The following ITSN1 variants were observed in gnomAD, a reference collection of about 807,000 sequenced individuals.
The protein encoded by ITSN1 is intersectin 1, also known as intersectin-1.
Under a neutral mutation model 239.8 loss-of-function variants are expected in ITSN1, and 58 were observed. The observed-to-expected ratio is 0.24, with a 90% confidence interval of 0.20 to 0.30. ITSN1 has a LOEUF of 0.30. Ranked by LOEUF, ITSN1 falls within the 10% of genes least tolerant of loss-of-function variation. The pLI is 1.00. For synonymous variants in ITSN1, 780 were observed against 770.8 expected (o/e 1.01, Z -0.20); for missense variants, 1,558 against 2,103.3 (o/e 0.74, Z 5.07).
At chr21:33,719,257 A>G (rs1432744706) in intron 2 of ITSN1, among the ~76,000 whole-genome samples, 1 of 152,176 alleles carries the variant, frequency 6.6e-6, no homozygotes, top group African/African-American at 2.4e-5. Flanking sequence ...CCTGGCCAAC[A>G]TAGTGAAACC....
At chr21:33,755,139 A>C (rs545702600) in intron 7 of ITSN1, among the ~76,000 whole-genome samples, 158 bp from the exon 8 acceptor site, 1 of 152,252 alleles carries the variant, frequency 6.6e-6, no homozygotes, top group South Asian at 2.1e-4. Context: ...GGAAATACCC[A>C]TGGCAAAAAA....
chr21:33,836,357 C>A, intron 28 of ITSN1, 84 bp from the exon 29 acceptor site: 1 of 970,434 alleles, frequency 1.0e-6, no homozygotes, highest in Non-Finnish European at 1.5e-6. Context: ...GAAATAGTAG[C>A]TGGGAATGTT....
At chr21:33,885,608 A>C in intron 38 of ITSN1, 86 bp downstream of exon 38, 1 of 985,348 alleles carries the variant, frequency 1.0e-6, no homozygotes. Flanking sequence ...CTCTAGATCA[A>C]ATGTGCTATT....
chr21:33,836,125 T>C (rs558017612), intron 28 of ITSN1, among the ~76,000 whole-genome samples: 1 of 152,294 alleles, frequency 6.6e-6, no homozygotes, highest in South Asian at 2.1e-4. Flanking sequence ...GAGTCAGCAG[T>C]AGGAAGGAGT....
chr21:33,734,926 T>A, intron 4 of ITSN1, 118 bp from the exon 5 acceptor site: 1 of 744,454 alleles, frequency 1.3e-6, no homozygotes, highest in Non-Finnish European at 2.1e-6. Flanking sequence ...ATGTTTTCTG[T>A]TGTTGTCTCT....
intron 29 of ITSN1, chr21:33,837,599 G>A: frequency 1.0e-6 from 1 of 985,914 alleles, no homozygotes; most frequent in Non-Finnish European, 1.2e-6. Flanking sequence ...CCCAATTAAA[G>A]CGAAGGTGTT....
intron 39 of ITSN1, among the ~76,000 whole-genome samples, chr21:33,887,251 C>T (rs370604484): frequency 3.0e-4 from 45 of 150,636 alleles, no homozygotes; most frequent in East Asian, 2.5e-3. Context: ...CCTGGGAGGT[C>T]GAGGCTGCAG....
At position 33,784,756 on chromosome 21, in the gene ITSN1, T is replaced by C. The variant is rs1306295529; in HGVS notation, c.1824+2623T>C. Among the ~76,000 whole-genome samples the C allele has an allele frequency of 3.3e-5, 5 of 152,228 alleles. No individual in the cohort carries two copies. In the East Asian group the frequency reaches 9.6e-4, roughly 29 times the overall value. On this transcript the variant is annotated intron_variant, in intron 16 of 39. Coordinates refer to ENST00000381318, the MANE Select transcript of ITSN1 (RefSeq NM_003024.3). ...TAAGTGTCACTTGCCCACTTTTCTT[T>C]GTTGTAGCCACACTGGAAAATGAAA...
chr21:33,873,967 C>T (rs889162536), intron 33 of ITSN1, among the ~76,000 whole-genome samples: 6 of 151,698 alleles, frequency 4.0e-5, no homozygotes, highest in African/African-American at 1.5e-4. Flanking sequence ...TCAAGACCAG[C>T]CTGGCCAGCA....
intron 20 of ITSN1, 91 bp downstream of exon 20, chr21:33,802,535 C>G (rs914988233): frequency 7.7e-7 from 1 of 1,294,264 alleles, no homozygotes; most frequent in Admixed American, 1.8e-5. Flanking sequence ...ACACGTATCT[C>G]TGGGTGTTGT....
chr21:33,841,727 C>T (rs1406610572), intron 29 of ITSN1, among the ~76,000 whole-genome samples: 1 of 152,194 alleles, frequency 6.6e-6, no homozygotes, highest in Non-Finnish European at 1.5e-5. Flanking sequence ...TTCATTAATC[C>T]TATTCATTCT....
chr21:33,660,271 T>C (rs146509753), intron 1 of ITSN1, among the ~76,000 whole-genome samples: 65 of 152,328 alleles, frequency 4.3e-4, no homozygotes, highest in Middle Eastern at 3.4e-3. Context: ...CCCCGTGCTT[T>C]TATCTCCTAA....
chr21:33,680,621 G>T (rs938989244), intron 1 of ITSN1, among the ~76,000 whole-genome samples: 1 of 152,240 alleles, frequency 6.6e-6, no homozygotes, highest in Non-Finnish European at 1.5e-5. Flanking sequence ...GTGAGCCGAT[G>T]TGCGTGGCCT....
Position 33,742,058 on chromosome 21 carries a change from C to CTT in ITSN1, c.346+6869_346+6870dup, listed in dbSNP as rs758936755. 4.7e-3 allele frequency among the ~76,000 whole-genome samples: 652 copies of CTT among 138,924 alleles called. 13 individuals carry two copies. Among genetic ancestry groups the CTT allele is most frequent in the African/African-American group, 0.016 (610 of 37,562 alleles). 91.1% of individuals were successfully genotyped at this position (138,924 alleles called of 152,430 possible). ...TGTTCAACAACACTATTTTTAAAAT[C>CTT]TTTTTTTTTTTTTTTTGAGGTGGAG... On this transcript the variant is annotated intron_variant, in intron 5 of 39. Coordinates refer to ENST00000381318, the MANE Select transcript of ITSN1 (RefSeq NM_003024.3).
intron 29 of ITSN1, among the ~76,000 whole-genome samples, chr21:33,848,112 G>A (rs1476865605): frequency 6.6e-6 from 1 of 152,208 alleles, no homozygotes; most frequent in African/African-American, 2.4e-5. Context: ...GCGCCTCCTC[G>A]ACTGGACTTC....
rs1979391575 is a variant in ITSN1 at position 33,856,614 on chromosome 21, C to T, written c.3662-122C>T. 4 of 1,389,880 alleles carry T rather than the reference C, an allele frequency of 2.9e-6. No homozygotes were observed. The African/African-American group carries it at 5.7e-5, about 20-fold the overall frequency. The allele number at this position is 1,389,880 out of a possible 1,614,324, so 86.1% of individuals were successfully genotyped here. A position where few individuals can be genotyped will look rare whatever the true frequency, so the allele number is the denominator to read the frequency against. The stretch of plus-strand genomic sequence containing the variant: ...TATTACTGGGGAGGACACATTTCAG[C>T]CCATGACCCCACTGGACTGGAGCAA... On this transcript the variant is annotated intron_variant, in intron 29 of 39. Transcript: ENST00000381318.
At chr21:33,836,417 C>T in intron 28 of ITSN1, 24 bp from the exon 29 acceptor site, 2 of 1,550,380 alleles carry the variant, frequency 1.3e-6, no homozygotes, top group East Asian at 2.3e-5. Context: ...TGTGCAGCCG[C>T]TCACCCAGCC....
intron 1 of ITSN1, among the ~76,000 whole-genome samples, chr21:33,668,709 G>T (rs1367182045): frequency 6.6e-6 from 1 of 152,084 alleles, no homozygotes; most frequent in African/African-American, 2.4e-5. Flanking sequence ...TCTTTACTCT[G>T]TGGCCATATC....
intron 1 of ITSN1, among the ~76,000 whole-genome samples, chr21:33,703,767 C>A (rs1383994271): frequency 6.6e-6 from 1 of 152,084 alleles, no homozygotes; most frequent in Non-Finnish European, 1.5e-5. Flanking sequence ...TCACCTATAA[C>A]CTTTAAAGGG....
Sources: gnomAD v4.1 joint callset for allele counts (sites outside exome capture counted in the v4.1 genomes callset) on GRCh38, gnomAD v4.1.1 for gene constraint, MANE v1.5 for transcripts, NCBI Gene and HGNC (gene_info 2026-07-23, HGNC 2026-07-21) for gene names.